PHB1: variants seen among roughly 807,000 people sequenced by gnomAD.
The protein encoded by PHB1 is epididymis luminal protein 215.
the PHB1 span, chr17:49,404,650 C>G: frequency 2.7e-6 from 1 of 371,034 alleles, no homozygotes; most frequent in Non-Finnish European, 5.2e-6. Flanking sequence ...CCTGTGCTCC[C>G]CAGTCCATCA....
the PHB1 span, among the ~76,000 whole-genome samples, chr17:49,410,629 C>T: frequency 4.6e-5 from 7 of 152,126 alleles, no homozygotes; most frequent in African/African-American, 1.7e-4. Context: ...CAGGAGTCAG[C>T]CTTGGAGAGG....
At chr17:49,406,881 G>A in the PHB1 span, 8 of 1,524,154 alleles carry the variant, frequency 5.2e-6, no homozygotes, top group Non-Finnish European at 7.3e-6. Context: ...AGCACAAGAT[G>A]AGGCAGTGTG....
the PHB1 span, among the ~76,000 whole-genome samples, chr17:49,405,786 A>G: frequency 3.3e-5 from 5 of 152,136 alleles, no homozygotes; most frequent in Admixed American, 6.6e-5. Flanking sequence ...AAACAAACAA[A>G]CAAACAAACA....
At chr17:49,406,888 T>G in the PHB1 span, 1 of 1,482,314 alleles carries the variant, frequency 6.7e-7, no homozygotes, top group Non-Finnish European at 9.4e-7. Context: ...GATGAGGCAG[T>G]GTGATTGCTT....
chr17:49,407,433 T>G, the PHB1 span: 2 of 155,552 alleles, frequency 1.3e-5, no homozygotes, highest in East Asian at 3.8e-4. Flanking sequence ...ATTCCCAATG[T>G]GAATGGTTCT....
At chr17:49,409,087 T>G in the PHB1 span, 1 of 1,613,272 alleles carries the variant, frequency 6.2e-7, no homozygotes, top group Non-Finnish European at 8.5e-7. Context: ...CGGCTCGCTC[T>G]GTAAGGTCGT....
chr17:49,411,792 G>A, the PHB1 span: 1 of 1,614,070 alleles, frequency 6.2e-7, no homozygotes, highest in Non-Finnish European at 8.5e-7. Context: ...ACAATGTCCT[G>A]CACTCCACGG....
the PHB1 span, among the ~76,000 whole-genome samples, chr17:49,414,560 G>A: frequency 6.6e-6 from 1 of 152,076 alleles, no homozygotes; most frequent in East Asian, 1.9e-4. Context: ...AGACTACCCT[G>A]ATCTCGTCCA....
the PHB1 span, chr17:49,405,144 G>A: frequency 3.1e-6 from 5 of 1,613,948 alleles, no homozygotes; most frequent in Admixed American, 1.7e-5. Flanking sequence ...TTGGCAATCA[G>A]CTCAGCTGCC....
At chr17:49,409,410 C>T in the PHB1 span, 17 of 1,613,784 alleles carry the variant, frequency 1.1e-5, no homozygotes, top group Admixed American at 1.3e-4. Context: ...GGTGAAGATG[C>T]GAGGAAGCTG....
At chr17:49,412,416 G>A in the PHB1 span, among the ~76,000 whole-genome samples, 2 of 152,204 alleles carry the variant, frequency 1.3e-5, no homozygotes, top group Non-Finnish European at 2.9e-5. Context: ...CTGCTAAGAT[G>A]TGTCATATAA....
chr17:49,408,252 A>G, the PHB1 span, among the ~76,000 whole-genome samples: 5 of 152,208 alleles, frequency 3.3e-5, no homozygotes, highest in African/African-American at 1.2e-4. Flanking sequence ...GGGTGTTGTC[A>G]AGTGGCTGTT....
the PHB1 span, chr17:49,408,937 G>T: frequency 1.4e-6 from 1 of 727,310 alleles, no homozygotes; most frequent in Non-Finnish European, 2.4e-6. Flanking sequence ...CTCACATCTA[G>T]CAAAGCAGAA....
chr17:49,405,429 T>C, the PHB1 span, among the ~76,000 whole-genome samples: 2 of 152,184 alleles, frequency 1.3e-5, no homozygotes, highest in Non-Finnish European at 2.9e-5. Flanking sequence ...GAGGGATACA[T>C]CTCTGTTGGC....
At chr17:49,413,849 G>A in the PHB1 span, among the ~76,000 whole-genome samples, 3 of 151,968 alleles carry the variant, frequency 2.0e-5, no homozygotes, top group Admixed American at 2.0e-4. Flanking sequence ...TAAGGTGTCT[G>A]GGACACTTGG....
At chr17:49,413,346 G>T in the PHB1 span, 1 of 965,536 alleles carries the variant, frequency 1.0e-6, no homozygotes, top group Non-Finnish European at 1.6e-6. Flanking sequence ...CTCAGAGAAG[G>T]CCCTCTCTGA....
At chr17:49,414,264 A>G in the PHB1 span, 1 of 152,170 alleles carries the variant, frequency 6.6e-6, no homozygotes, top group Non-Finnish European at 1.5e-5. Context: ...CTGCTTGTCA[A>G]CATCGTGTAT....
the PHB1 span, chr17:49,406,695 A>C: frequency 2.8e-5 from 32 of 1,151,224 alleles, no homozygotes; most frequent in East Asian, 4.9e-4. Context: ...CACCCAGCAA[A>C]TGGGGAAGCT....
chr17:49,413,114 C>T, the PHB1 span: 1 of 1,190,902 alleles, frequency 8.4e-7, no homozygotes, highest in Admixed American at 1.8e-5. Flanking sequence ...GTCACATGGG[C>T]TATGCAGACC....
Sources: gnomAD v4.1 joint callset for allele counts (sites outside exome capture counted in the v4.1 genomes callset) on GRCh38, gnomAD v4.1.1 for gene constraint, MANE v1.5 for transcripts, NCBI Gene and HGNC (gene_info 2026-07-23, HGNC 2026-07-21) for gene names.